Variants in TRPC5 observed in about 807,000 individuals in gnomAD.
TRPC5 encodes transient receptor potential cation channel subfamily C member 5, also known as short transient receptor potential channel 5.
TRPC5 carries 9 observed loss-of-function variants against 56.5 expected under a neutral mutation model. The observed-to-expected ratio is 0.16, with a 90% CI of 0.10 to 0.28. The LOEUF is 0.28. Ranked by LOEUF, TRPC5 falls within the 10% of genes least tolerant of loss-of-function variation. The probability of loss-of-function intolerance (pLI) is 1.00; values close to 1 mark genes in which losing one functional copy is unlikely to be tolerated. For synonymous variants in TRPC5, 282 were observed against 278.5 expected (o/e 1.01, Z -0.13); for missense variants, 469 against 748.9 (o/e 0.63, Z 4.36).
intron 2 of TRPC5, among the ~76,000 whole-genome samples, chrX:111,943,359 C>T (rs999631344): frequency 1.8e-5 from 2 of 111,908 alleles, no homozygotes; most frequent in African/African-American, 3.3e-5. Context: ...ATCCCGTCAC[C>T]TTTCTCCAGG....
chrX:111,812,809 G>T (rs1921750223), intron 7 of TRPC5, among the ~76,000 whole-genome samples: 2 of 112,318 alleles, frequency 1.8e-5, no homozygotes, highest in Non-Finnish European at 1.9e-5. Context: ...CAGATGCTAG[G>T]TGGTGGGATT....
rs1922951723 is a variant in TRPC5, at chrX:111,847,082, A to G, written c.1700+32T>C. 6 of 1,152,077 alleles carry G rather than the reference A, an allele frequency of 5.2e-6. No homozygotes were observed. In the South Asian group the frequency reaches 8.2e-5, roughly 16 times the overall value. The allele number at this position is 1,152,077 out of a possible 1,213,427, so 94.9% of individuals were successfully genotyped here. A position where few individuals can be genotyped will look rare whatever the true frequency, so the allele number is the denominator to read the frequency against. ...GGCGGAAAAAATGGCAAAAAAAAAA[A>G]TAAATAAATAAAGGAAAGGGGATCG... On this transcript the variant is annotated intron_variant, in intron 6 of 10. Coordinates refer to ENST00000262839, the MANE Select transcript of TRPC5 (RefSeq NM_012471.3).
Position 112,076,617 on chromosome X carries a change from T to C in TRPC5, c.-22+5262A>G, listed in dbSNP as rs1199906251. On this transcript the variant is annotated intron_variant, in intron 1 of 10. Coordinates refer to ENST00000262839, the MANE Select transcript of TRPC5 (RefSeq NM_012471.3). ...TTTGGCCTTGAATTATTTTATAATTTGTCCATCAAATGATGCGTCCGTGTG... is the reference window on the plus strand; with the variant it reads ...TTTGGCCTTGAATTATTTTATAATTCGTCCATCAAATGATGCGTCCGTGTG... Among the ~76,000 whole-genome samples the C allele has an allele frequency of 2.7e-5, 3 of 112,110 alleles. No individual in the cohort carries two copies. The East Asian group carries it at 8.3e-4, about 31-fold the overall frequency.
At chrX:112,070,048 T>C (rs1161177477) in intron 1 of TRPC5, among the ~76,000 whole-genome samples, 2 of 111,531 alleles carry the variant, frequency 1.8e-5, no homozygotes, top group African/African-American at 6.5e-5. Context: ...GGGAAAGAAA[T>C]CCAGAAATGT....
chrX:111,895,327 T>C (rs1401967453), intron 3 of TRPC5, among the ~76,000 whole-genome samples: 1 of 111,861 alleles, frequency 8.9e-6, no homozygotes, highest in Non-Finnish European at 1.9e-5. Flanking sequence ...TCGGATATTC[T>C]CCTCTATGAA....
chrX:111,969,344 A>G (rs920487986), intron 1 of TRPC5, among the ~76,000 whole-genome samples: 5 of 112,341 alleles, frequency 4.5e-5, no homozygotes, highest in African/African-American at 1.6e-4. Context: ...TTGACTTGCA[A>G]CATTCACTTT....
chrX:111,968,324 A>G (rs927012134), intron 1 of TRPC5, among the ~76,000 whole-genome samples: 3 of 111,508 alleles, frequency 2.7e-5, no homozygotes, highest in Middle Eastern at 4.7e-3. Context: ...GTCAGGAAAC[A>G]ACAGGTGCTG....
intron 1 of TRPC5, among the ~76,000 whole-genome samples, chrX:112,074,310 T>C (rs1930783139): frequency 9.3e-6 from 1 of 107,241 alleles, no homozygotes; most frequent in South Asian, 4.0e-4. Flanking sequence ...TATATATATA[T>C]ATATATTTTT....
Position 111,910,037 on chromosome X carries a change from T to C in TRPC5, c.900+2254A>G, listed in dbSNP as rs141665679. On this transcript the variant is annotated intron_variant, in intron 3 of 10. Coordinates refer to ENST00000262839, the MANE Select transcript of TRPC5 (RefSeq NM_012471.3). ...CCTACCAACACAAAAATTGATGAAATATTGCAGTGAAATTGTTTGCAAATA... is the reference window on the plus strand; with the variant it reads ...CCTACCAACACAAAAATTGATGAAACATTGCAGTGAAATTGTTTGCAAATA... Among the ~76,000 whole-genome samples the C allele has an allele frequency of 7.4e-3, 824 of 112,058 alleles. 2 individuals are homozygous for C. Among genetic ancestry groups the C allele is most frequent in the South Asian group, 0.018 (49 of 2,668 alleles).
rs772168536 is a variant in TRPC5, at chrX:111,966,370, A to T, written c.-21-13929T>A. 1.0e-2 allele frequency among the ~76,000 whole-genome samples: 1,115 copies of T among 111,678 alleles called. 11 individuals carry two copies. The highest frequency in any genetic ancestry group is 0.018 in the Middle Eastern group (4 of 217). On this transcript the variant is annotated intron_variant, in intron 1 of 10. Coordinates refer to ENST00000262839, the MANE Select transcript of TRPC5 (RefSeq NM_012471.3). ...CCAACCAAAAAGAGTCCAGGACCAG[A>T]TGGATTCACAGCCGAATTCTACCAG...
chrX:112,018,667 T>C (rs1297846475), intron 1 of TRPC5, among the ~76,000 whole-genome samples: 1 of 112,414 alleles, frequency 8.9e-6, no homozygotes, highest in Non-Finnish European at 1.9e-5. Context: ...TAAAAATTAG[T>C]AAAACTTAAA....
At chrX:111,787,582 C>CAAAAAAAAAAAAAAAA (rs371397409) in intron 7 of TRPC5, among the ~76,000 whole-genome samples, 1 of 64,634 alleles carries the variant, frequency 1.5e-5, no homozygotes, top group Non-Finnish European at 3.5e-5. Context: ...GTGATAGAGA[C>CAAAAAAAAAAAAAAAA]AAAAAAAAAA....
At chrX:112,075,323 G>A (rs751454814) in intron 1 of TRPC5, among the ~76,000 whole-genome samples, 3 of 111,897 alleles carry the variant, frequency 2.7e-5, no homozygotes, top group Non-Finnish European at 5.6e-5. Flanking sequence ...CACAAGCTGC[G>A]CAATGTTAAA....
chrX:112,002,546 A>T (rs1462984586), intron 1 of TRPC5, among the ~76,000 whole-genome samples: 1 of 111,978 alleles, frequency 8.9e-6, no homozygotes, highest in Non-Finnish European at 1.9e-5. Context: ...GGCATTAAAC[A>T]TACAAACAAA....
intron 3 of TRPC5, among the ~76,000 whole-genome samples, chrX:111,909,364 T>A (rs1413914407): frequency 7.9e-4 from 85 of 108,165 alleles, no homozygotes; most frequent in African/African-American, 2.5e-3. Context: ...ATAAATTAAT[T>A]AATTAATTTT....
chrX:111,937,205 T>G (rs1340452274), intron 2 of TRPC5, among the ~76,000 whole-genome samples: 1 of 106,483 alleles, frequency 9.4e-6, no homozygotes, highest in Admixed American at 9.9e-5. Context: ...GTTTTTTTCT[T>G]GTAAATTTGT....
intron 3 of TRPC5, among the ~76,000 whole-genome samples, chrX:111,877,443 G>A (rs1406618659): frequency 9.0e-6 from 1 of 111,009 alleles, no homozygotes; most frequent in African/African-American, 3.3e-5. Context: ...AGGGAATTCC[G>A]AGGACACGGA....
intron 2 of TRPC5, among the ~76,000 whole-genome samples, chrX:111,939,511 A>G (rs1395150679): frequency 1.8e-5 from 2 of 111,534 alleles, no homozygotes; most frequent in Non-Finnish European, 3.8e-5. Context: ...CAGCAGTGAA[A>G]CCATCAGGTC....
intron 1 of TRPC5, among the ~76,000 whole-genome samples, chrX:111,960,516 A>T (rs1209134042): frequency 8.9e-6 from 1 of 112,177 alleles, no homozygotes; most frequent in African/African-American, 3.2e-5. Flanking sequence ...ACTCATTATC[A>T]CTTTGTCTGC....
Sources: allele counts gnomAD v4.1 joint callset (sites outside exome capture counted in the v4.1 genomes callset), GRCh38; gene constraint gnomAD v4.1.1; transcripts MANE v1.5; gene names NCBI Gene and HGNC (gene_info 2026-07-23, HGNC 2026-07-21).